RBM27: variants seen among roughly 807,000 people sequenced by gnomAD.
RBM27 encodes RNA binding motif protein 27, also known as RNA-binding protein 27.
RBM27 carries 22 observed loss-of-function variants against 135.3 expected under a neutral mutation model. The observed-to-expected ratio is 0.16, with a 90% CI of 0.12 to 0.23. The LOEUF (loss-of-function observed/expected upper bound fraction) is 0.23, where lower values mean the gene tolerates loss of function less well. RBM27 is among the 10% of genes least tolerant of loss of function. RBM27 has a pLI of 1.00. For synonymous variants in RBM27, 481 were observed against 442.4 expected, an observed-to-expected ratio of 1.09 and a Z score of -1.10; for missense variants, 1,009 against 1,281.0, an observed-to-expected ratio of 0.79 and a Z score of 3.24.
chr5:146,258,944 G>A (rs527533511), intron 11 of RBM27, among the ~76,000 whole-genome samples: 23 of 151,716 alleles, frequency 1.5e-4, no homozygotes, highest in African/African-American at 4.4e-4. Context: ...TATTTTTAGC[G>A]GAGATGGGGT....
intron 14 of RBM27, among the ~76,000 whole-genome samples, chr5:146,265,396 A>G (rs1758571618): frequency 6.6e-6 from 1 of 152,200 alleles, no homozygotes; most frequent in African/African-American, 2.4e-5. Context: ...GAACACAGAG[A>G]AGTATTTGCT....
In RBM27 at chr5:146,277,301, G is replaced by A. The variant is rs899305488; in HGVS notation, c.2988+5627G>A. Among the ~76,000 whole-genome samples, 5 of 152,078 alleles carry A rather than the reference G, an allele frequency of 3.3e-5. No homozygotes were observed. In the East Asian group the frequency reaches 9.7e-4, roughly 29 times the overall value. ...GTATACATACTACCCATGCTGTTTT[G>A]GAGTTTGTTTTTACATCCATAGTGT... On this transcript the variant is annotated intron_variant, in intron 19 of 20. Transcript: ENST00000265271.
At chr5:146,279,825 A>C (rs2126910737) in intron 19 of RBM27, among the ~76,000 whole-genome samples, 1 of 151,952 alleles carries the variant, frequency 6.6e-6, no homozygotes, top group African/African-American at 2.4e-5. Flanking sequence ...AAAAAAAAAA[A>C]AGTATGACTA....
At chr5:146,242,955 C>G (rs183167911) in intron 8 of RBM27, among the ~76,000 whole-genome samples, 1 of 152,088 alleles carries the variant, frequency 6.6e-6, no homozygotes, top group Admixed American at 6.6e-5. Flanking sequence ...TAATATTTTT[C>G]TATTCAGTTG....
rs1758488144 is a variant in RBM27, at chr5:146,263,617, G to C, written c.2317G>C (p.Gly773Arg). The change falls in exon 14 of 21, where the codon GGA (glycine) becomes CGA (arginine). Residue 773 changes from glycine (G) to arginine (R), a missense_variant. Around this residue, in one of 6 missense-constraint regions of RBM27, gnomAD observed 355 missense variants for 427.3 expected, o/e 0.83. Transcript: ENST00000265271. ...SHLLNQSGGA[G>R]EDCQIFSTPG... ...TTTGTTGAATCAGTCTGGTGGTGCT[G>C]GAGAAGATTGCCAGGTATGCATTTT... is the stretch of plus-strand genomic sequence containing the variant. The C allele has an allele frequency of 6.2e-7, 1 of 1,613,282 alleles. No individual in the cohort carries two copies.
At chr5:146,252,985 AT>A (rs1757960153) in intron 9 of RBM27, among the ~76,000 whole-genome samples, 1 of 152,012 alleles carries the variant, frequency 6.6e-6, no homozygotes, top group Non-Finnish European at 1.5e-5. Flanking sequence ...ATTTGTTTTT[AT>A]TTATTTATTT....
chr5:146,284,751 A>G lies in RBM27; in HGVS notation c.3099+19A>G. 7.0e-7 allele frequency: 1 copy of G among 1,436,112 alleles called. No individual in the cohort carries two copies. The allele number at this position is 1,436,112 out of a possible 1,614,324, so 89.0% of individuals were successfully genotyped here. On this transcript the variant is annotated intron_variant, in intron 20 of 20. Transcript: ENST00000265271. ...GGAGGAGGTAAATTTAGTGGTTGGA[A>G]ATAAGAGTTGAATTAGATCACTTCT...
chr5:146,223,731 A>G (rs1756555394), intron 3 of RBM27, among the ~76,000 whole-genome samples: 1 of 152,222 alleles, frequency 6.6e-6, no homozygotes, highest in Admixed American at 6.5e-5. Flanking sequence ...TAGAGATCCA[A>G]GAAATATTTC....
chr5:146,223,303 G>A, intron 2 of RBM27, 100 bp from the exon 3 acceptor site: 1 of 1,087,594 alleles, frequency 9.2e-7, no homozygotes. Flanking sequence ...CCTACTAGCA[G>A]TGTACAAGAT....
At chr5:146,204,848 AATG>A (rs919648692) in intron 1 of RBM27, among the ~76,000 whole-genome samples, 28 of 152,204 alleles carry the variant, frequency 1.8e-4, no homozygotes, top group African/African-American at 6.5e-4. Context: ...TGTTAGTAGA[AATG>A]TTATTGGGAG....
chr5:146,240,993 C>T (rs775121614), intron 8 of RBM27, among the ~76,000 whole-genome samples: 1 of 152,060 alleles, frequency 6.6e-6, no homozygotes, highest in Non-Finnish European at 1.5e-5. Flanking sequence ...CAATTTATAG[C>T]GGAGCCTCTT....
At chr5:146,257,591 A>C (rs1039510977) in intron 10 of RBM27, among the ~76,000 whole-genome samples, 2 of 152,150 alleles carry the variant, frequency 1.3e-5, no homozygotes, top group African/African-American at 4.8e-5. Flanking sequence ...AGACATTGTG[A>C]AACTTTAAGT....
rs1757140134 is a variant in RBM27, at chr5:146,235,909, T to G, written c.1145-1389T>G. Among the ~76,000 whole-genome samples the G allele has an allele frequency of 2.0e-5, 3 of 152,114 alleles. No individual in the cohort carries two copies. In the South Asian group the frequency reaches 6.2e-4, roughly 32 times the overall value. On this transcript the variant is annotated intron_variant, in intron 7 of 20. Transcript: ENST00000265271. ...GTTCGCCATGTTGCCCAGGCTGGTC[T>G]TGAACTCCTGGGCTCAAGCAGTTTG... is the stretch of plus-strand genomic sequence containing the variant.
chr5:146,240,931 G>C (rs1757380444), intron 8 of RBM27, among the ~76,000 whole-genome samples: 1 of 152,094 alleles, frequency 6.6e-6, no homozygotes, highest in Non-Finnish European at 1.5e-5. Context: ...GAACTCCGGA[G>C]TACCCAGTAT....
At chr5:146,224,183 C>T (rs1422348258) in intron 3 of RBM27, among the ~76,000 whole-genome samples, 1 of 151,942 alleles carries the variant, frequency 6.6e-6, no homozygotes, top group Admixed American at 6.6e-5. Flanking sequence ...ACTTTGATAT[C>T]AGTAAAATGA....
At chr5:146,277,785 G>A (rs1454575947) in intron 19 of RBM27, among the ~76,000 whole-genome samples, 2 of 150,762 alleles carry the variant, frequency 1.3e-5, no homozygotes, top group African/African-American at 2.4e-5. Flanking sequence ...CTCCCACCTC[G>A]GCCTCCCAAA....
chr5:146,211,589 A>G (rs1473059133), intron 1 of RBM27, among the ~76,000 whole-genome samples: 1 of 142,684 alleles, frequency 7.0e-6, no homozygotes, highest in South Asian at 2.2e-4. Context: ...TCAAGCTATT[A>G]TCCTGCCTCA....
In RBM27 at chr5:146,244,859, CATTT is replaced by C. The variant is rs766229886; in HGVS notation, c.1280-6834_1280-6831del. ...GCCCAGCTTACCCCAATTTTAAAAACATTTATTTATTTATTTATTTACCTTTTTT... is the reference window on the plus strand; with the variant it reads ...GCCCAGCTTACCCCAATTTTAAAAACATTTATTTATTTATTTACCTTTTTT... On this transcript the variant is annotated intron_variant, in intron 8 of 20. Transcript: ENST00000265271. 2.1e-3 allele frequency among the ~76,000 whole-genome samples: 318 copies of C among 151,912 alleles called. 3 individuals are homozygous for C. Among genetic ancestry groups the C allele is most frequent in the African/African-American group, 7.0e-3 (290 of 41,434 alleles).
intron 19 of RBM27, among the ~76,000 whole-genome samples, chr5:146,275,246 G>T (rs996284215): frequency 1.3e-5 from 2 of 151,508 alleles, no homozygotes; most frequent in Non-Finnish European, 2.9e-5. Context: ...AATCCAGAAA[G>T]AACTTTTTAA....
Sources: gnomAD v4.1 joint callset for allele counts (sites outside exome capture counted in the v4.1 genomes callset) on GRCh38, gnomAD v4.1.1 for gene constraint, gnomAD v4.1.1 regional missense constraint, MANE v1.5 for transcripts, NCBI Gene and HGNC (gene_info 2026-07-23, HGNC 2026-07-21) for gene names.